Variants in GPC6 observed in about 807,000 individuals in gnomAD.
The protein encoded by GPC6 is glypican 6, also known as glypican-6.
Under a neutral mutation model 55.2 loss-of-function variants are expected in GPC6, and 14 were observed. The ratio of observed to expected loss-of-function variants is 0.25; its 90% CI spans 0.17 to 0.40. GPC6 has a LOEUF of 0.40. GPC6 is among the 10% of genes least tolerant of loss of function. GPC6 has a pLI of 1.00. For missense variants in GPC6, 641 were observed against 708.5 expected (o/e 0.90, Z 1.08); for synonymous variants, 278 against 259.6 (o/e 1.07, Z -0.68).
chr13:94,105,441 A>G (rs544100286), intron 4 of GPC6, among the ~76,000 whole-genome samples: 1 of 152,224 alleles, frequency 6.6e-6, no homozygotes, highest in Non-Finnish European at 1.5e-5. Flanking sequence ...CATTTACATA[A>G]TAGATCTTCA....
chr13:93,408,892 A>G (rs1232774588), intron 1 of GPC6, among the ~76,000 whole-genome samples: 2 of 152,144 alleles, frequency 1.3e-5, no homozygotes, highest in Admixed American at 1.3e-4. Flanking sequence ...GGAAAGAAGT[A>G]AACCAAAAAT....
chr13:94,230,571 G>T (rs1890692505), intron 4 of GPC6, among the ~76,000 whole-genome samples: 1 of 152,020 alleles, frequency 6.6e-6, no homozygotes, highest in African/African-American at 2.4e-5. Flanking sequence ...AGCCACTAAT[G>T]ATCATCTAAT....
At chr13:93,899,983 G>A (rs1876255853) in intron 3 of GPC6, among the ~76,000 whole-genome samples, 1 of 152,114 alleles carries the variant, frequency 6.6e-6, no homozygotes, top group Admixed American at 6.6e-5. Flanking sequence ...ATATTGTCAA[G>A]TCTCTCCCAG....
At chr13:93,637,346 C>A (rs1879741695) in intron 2 of GPC6, among the ~76,000 whole-genome samples, 2 of 152,080 alleles carry the variant, frequency 1.3e-5, no homozygotes, top group Non-Finnish European at 2.9e-5. Flanking sequence ...TCATTCCCTG[C>A]AATCTTTTAA....
chr13:93,452,425 A>C (rs1318412893), intron 1 of GPC6, among the ~76,000 whole-genome samples: 3 of 152,244 alleles, frequency 2.0e-5, no homozygotes, highest in Non-Finnish European at 4.4e-5. Context: ...TTTGATTTGG[A>C]AACACTTGAG....
At chr13:94,246,755 A>G (rs1367757742) in intron 4 of GPC6, among the ~76,000 whole-genome samples, 1 of 152,050 alleles carries the variant, frequency 6.6e-6, no homozygotes, top group East Asian at 1.9e-4. Flanking sequence ...TGTTTTCATT[A>G]CTATAGCTTT....
chr13:93,457,702 A>AT (rs1312499157), intron 1 of GPC6, among the ~76,000 whole-genome samples: 4 of 151,324 alleles, frequency 2.6e-5, no homozygotes, highest in African/African-American at 9.7e-5. Context: ...ATTGACTGAA[A>AT]TGTATCACAT....
At chr13:93,796,336 C>A (rs1886196427) in intron 2 of GPC6, among the ~76,000 whole-genome samples, 1 of 152,066 alleles carries the variant, frequency 6.6e-6, no homozygotes, top group Admixed American at 6.5e-5. Flanking sequence ...GCAATTTCTT[C>A]TTTTTGCCAT....
intron 6 of GPC6, among the ~76,000 whole-genome samples, chr13:94,307,486 A>G (rs552504379): frequency 1.3e-5 from 2 of 151,680 alleles, no homozygotes; most frequent in Admixed American, 6.6e-5. Flanking sequence ...CCAGCTTTTT[A>G]TTTTTTTGTA....
At chr13:93,847,099 C>T (rs976935205) in intron 3 of GPC6, among the ~76,000 whole-genome samples, 2 of 152,028 alleles carry the variant, frequency 1.3e-5, no homozygotes, top group African/African-American at 2.4e-5. Context: ...GTAACATAGA[C>T]ACTTTATTGA....
At chr13:94,287,129 C>T (rs1018286533) in intron 5 of GPC6, among the ~76,000 whole-genome samples, 3 of 152,136 alleles carry the variant, frequency 2.0e-5, no homozygotes, top group South Asian at 2.1e-4. Flanking sequence ...AAACAGGACC[C>T]GCCTTAAGCA....
At chr13:93,495,848 T>A (rs1880244767) in intron 1 of GPC6, among the ~76,000 whole-genome samples, 1 of 145,804 alleles carries the variant, frequency 6.9e-6, no homozygotes, top group African/African-American at 2.6e-5. Context: ...GGGTCAGGGG[T>A]CAGGGACCCA....
chr13:93,934,283 C>T (rs1279087807), intron 3 of GPC6, among the ~76,000 whole-genome samples: 2 of 151,926 alleles, frequency 1.3e-5, no homozygotes, highest in African/African-American at 4.8e-5. Flanking sequence ...AAGTTATAGA[C>T]CAAATTCTGA....
At chr13:93,613,923 A>T (rs1413480664) in intron 2 of GPC6, among the ~76,000 whole-genome samples, 1 of 152,170 alleles carries the variant, frequency 6.6e-6, no homozygotes, top group African/African-American at 2.4e-5. Flanking sequence ...ATGGTGGCCC[A>T]TAAAATTTAG....
chr13:94,182,904 T>A (rs1337723233), intron 4 of GPC6, among the ~76,000 whole-genome samples: 1 of 152,114 alleles, frequency 6.6e-6, no homozygotes, highest in Non-Finnish European at 1.5e-5. Flanking sequence ...GCCTCCCAAG[T>A]AGCTGGGACT....
intron 7 of GPC6, among the ~76,000 whole-genome samples, chr13:94,387,730 T>TTCTCTCTCTCTCTCTCTCTCTC (rs3044333): frequency 1.6e-4 from 22 of 141,154 alleles, no homozygotes; most frequent in Non-Finnish European, 3.0e-4. Flanking sequence ...AGACATGAGT[T>TTCTCTCTCTCTCTCTCTCTCTC]TCTCTCTCTC....
chr13:94,279,858 T>A (rs1594126667), intron 4 of GPC6, among the ~76,000 whole-genome samples: 1 of 152,192 alleles, frequency 6.6e-6, no homozygotes, highest in Admixed American at 6.5e-5. Context: ...GTGTTTTACT[T>A]CCAATTATGT....
rs150097756 is a variant in GPC6 at position 93,394,431 on chromosome 13, G to A, written c.161-150832G>A. Among the ~76,000 whole-genome samples, 257 of 152,218 alleles carry A rather than the reference G, an allele frequency of 1.7e-3. 1 individual carries two copies. Among genetic ancestry groups the A allele is most frequent in the Non-Finnish European group, 3.0e-3 (205 of 67,998 alleles). On this transcript the variant is annotated intron_variant, in intron 1 of 8. Coordinates refer to ENST00000377047, the MANE Select transcript of GPC6 (RefSeq NM_005708.5). ...TGATTATGTGGTTATTGCCTTTATTGTTTTGTAAGTGAATAAAAACAATGT... is the reference window on the plus strand; with the variant it reads ...TGATTATGTGGTTATTGCCTTTATTATTTTGTAAGTGAATAAAAACAATGT...
At chr13:93,749,307 T>A (rs761599986) in intron 2 of GPC6, among the ~76,000 whole-genome samples, 8 of 152,100 alleles carry the variant, frequency 5.3e-5, no homozygotes, top group Non-Finnish European at 1.0e-4. Context: ...TTTAACCATA[T>A]TATAATTCTA....
Sources: gnomAD v4.1 joint callset for allele counts (sites outside exome capture counted in the v4.1 genomes callset) on GRCh38, gnomAD v4.1.1 for gene constraint, MANE v1.5 for transcripts, NCBI Gene and HGNC (gene_info 2026-07-23, HGNC 2026-07-21) for gene names.